SRGAP1: variants seen among roughly 807,000 people sequenced by gnomAD.
SRGAP1 encodes SLIT-ROBO Rho GTPase activating protein 1.
Under a neutral mutation model 121.9 loss-of-function variants are expected in SRGAP1, and 43 were observed. The observed-to-expected ratio is 0.35, with a 90% confidence interval of 0.28 to 0.46. The LOEUF (loss-of-function observed/expected upper bound fraction) is 0.46, where lower values mean the gene tolerates loss of function less well. SRGAP1 is among the 20% of genes least tolerant of loss of function. The pLI, the probability that SRGAP1 is intolerant of heterozygous loss-of-function variation, is 1.00. For synonymous variants in SRGAP1, 447 were observed against 485.4 expected, an observed-to-expected ratio of 0.92 and a Z score of 1.04; for missense variants, 1,102 against 1,350.9, an observed-to-expected ratio of 0.82 and a Z score of 2.89.
At chr12:64,132,533 G>A (rs1176206893) in intron 21 of SRGAP1, among the ~76,000 whole-genome samples, 1 of 152,198 alleles carries the variant, frequency 6.6e-6, no homozygotes, top group Non-Finnish European at 1.5e-5. Flanking sequence ...TTGTTTGCAG[G>A]AGGGGCCAAA....
chr12:63,873,991 C>T (rs1224190357), intron 1 of SRGAP1, among the ~76,000 whole-genome samples: 2 of 151,598 alleles, frequency 1.3e-5, no homozygotes, highest in African/African-American at 2.4e-5. Flanking sequence ...GAGATCTGCA[C>T]CACTGCACTC....
At chr12:64,125,136 C>T (rs1454111533) in intron 18 of SRGAP1, among the ~76,000 whole-genome samples, 3 of 152,190 alleles carry the variant, frequency 2.0e-5, no homozygotes, top group African/African-American at 7.2e-5. Flanking sequence ...CATCCCCAAC[C>T]TCTGGCAACC....
At chr12:63,938,941 G>A (rs937323438) in intron 1 of SRGAP1, among the ~76,000 whole-genome samples, 1 of 151,660 alleles carries the variant, frequency 6.6e-6, no homozygotes, top group East Asian at 1.9e-4. Flanking sequence ...AATGGCTTGA[G>A]CCCAGGAGTT....
At chr12:63,963,436 A>G (rs566717356) in intron 1 of SRGAP1, among the ~76,000 whole-genome samples, 1 of 152,210 alleles carries the variant, frequency 6.6e-6, no homozygotes, top group South Asian at 2.1e-4. Context: ...TAATTGACAC[A>G]TAATTGTACA....
At chr12:64,034,813 G>C (rs2034861852) in intron 4 of SRGAP1, among the ~76,000 whole-genome samples, 2 of 152,200 alleles carry the variant, frequency 1.3e-5, no homozygotes, top group African/African-American at 4.8e-5. Flanking sequence ...TCTGTCTCAT[G>C]AGTCGGAGCT....
At chr12:64,023,419 G>T (rs73317402) in intron 4 of SRGAP1, among the ~76,000 whole-genome samples, 2 of 152,042 alleles carry the variant, frequency 1.3e-5, no homozygotes. Flanking sequence ...TGTTAAGCCC[G>T]TCCCACTACC....
intron 1 of SRGAP1, among the ~76,000 whole-genome samples, chr12:63,869,492 CTTCCT>C (rs1286999515): frequency 2.0e-5 from 3 of 152,006 alleles, no homozygotes; most frequent in African/African-American, 2.4e-5. Context: ...TGTTTCTTTC[CTTCCT>C]TTCAACAGGG....
chr12:63,957,882 G>T (rs569697832), intron 1 of SRGAP1, among the ~76,000 whole-genome samples: 11 of 152,244 alleles, frequency 7.2e-5, no homozygotes, highest in Admixed American at 5.2e-4. Flanking sequence ...TCCAGAAATG[G>T]TTTTTTGCTC....
At chr12:63,894,037 G>T (rs1482094541) in intron 1 of SRGAP1, among the ~76,000 whole-genome samples, 1 of 152,028 alleles carries the variant, frequency 6.6e-6, no homozygotes, top group Non-Finnish European at 1.5e-5. Flanking sequence ...ACGGGGTTTC[G>T]CCATGTTGGC....
In SRGAP1 at chr12:63,955,935, C is replaced by G. The variant is rs2032449846; in HGVS notation, c.68-28012C>G. 2.0e-5 allele frequency among the ~76,000 whole-genome samples: 3 copies of G among 152,152 alleles called. No homozygotes were observed. In the South Asian group the frequency reaches 6.2e-4, roughly 32 times the overall value. Reference sequence around the variant, plus strand: ...TATAAATCACTTCCCTAAAAGTACTCTGTGTTCTCAAAAGGCTCCGTCCGA... The same window carrying G: ...TATAAATCACTTCCCTAAAAGTACTGTGTGTTCTCAAAAGGCTCCGTCCGA... On this transcript the variant is annotated intron_variant, in intron 1 of 21. Transcript: ENST00000355086.
chr12:63,886,194 G>A (rs1032268948), intron 1 of SRGAP1, among the ~76,000 whole-genome samples: 15 of 152,068 alleles, frequency 9.9e-5, no homozygotes, highest in African/African-American at 3.1e-4. Context: ...TTGAGTAGCT[G>A]GGGCTACAGG....
At chr12:63,866,754 A>G (rs541692255) in intron 1 of SRGAP1, among the ~76,000 whole-genome samples, 8 of 151,562 alleles carry the variant, frequency 5.3e-5, no homozygotes, top group African/African-American at 1.5e-4. Flanking sequence ...TTGCTCAACA[A>G]TGTGTCATCT....
chr12:63,988,621 C>T (rs186698415), intron 2 of SRGAP1, among the ~76,000 whole-genome samples: 1 of 152,232 alleles, frequency 6.6e-6, no homozygotes, highest in Admixed American at 6.5e-5. Flanking sequence ...ATCTGAGAGA[C>T]GTAATGGCAG....
intron 1 of SRGAP1, among the ~76,000 whole-genome samples, chr12:63,975,423 G>A (rs1325881111): frequency 1.3e-5 from 2 of 152,152 alleles, no homozygotes; most frequent in African/African-American, 4.8e-5. Flanking sequence ...CTGTCCAAAA[G>A]CCATATTGGT....
chr12:64,101,605 ATTTTGTTTTG>A, intron 15 of SRGAP1, among the ~76,000 whole-genome samples: 1 of 152,006 alleles, frequency 6.6e-6, no homozygotes, highest in East Asian at 1.9e-4. Flanking sequence ...CCCAAGAGTT[ATTTTGTTTTG>A]TTTTGTTTTG....
chr12:63,900,101 T>G (rs1900886334), intron 1 of SRGAP1, among the ~76,000 whole-genome samples: 2 of 152,170 alleles, frequency 1.3e-5, no homozygotes. Flanking sequence ...TACCTTTAAT[T>G]TGGTAAATAA....
chr12:63,969,520 A>G (rs560318811), intron 1 of SRGAP1, among the ~76,000 whole-genome samples: 1 of 152,334 alleles, frequency 6.6e-6, no homozygotes. Flanking sequence ...TCGGCCAGGC[A>G]CAGTGGCTCA....
intron 21 of SRGAP1, among the ~76,000 whole-genome samples, chr12:64,139,109 A>T (rs2036915439): frequency 6.6e-6 from 1 of 152,240 alleles, no homozygotes; most frequent in South Asian, 2.1e-4. Context: ...GGTGCAGGAA[A>T]ATTCACTACA....
At chr12:64,136,236 G>A (rs2036854373) in intron 21 of SRGAP1, among the ~76,000 whole-genome samples, 1 of 152,228 alleles carries the variant, frequency 6.6e-6, no homozygotes, top group Admixed American at 6.5e-5. Context: ...GAGTGGTGGT[G>A]CATGTCTGCA....
Sources: allele counts gnomAD v4.1 joint callset (sites outside exome capture counted in the v4.1 genomes callset), GRCh38; gene constraint gnomAD v4.1.1; transcripts MANE v1.5; gene names NCBI Gene and HGNC (gene_info 2026-07-23, HGNC 2026-07-21).